The following ADGRF5 variants were observed in gnomAD, a reference collection of about 807,000 sequenced individuals.
ADGRF5 encodes adhesion G protein-coupled receptor F5.
In ADGRF5, 75 loss-of-function variants were observed where a neutral mutation model predicts 132.3. The ratio of observed to expected loss-of-function variants is 0.57; its 90% CI spans 0.47 to 0.69. ADGRF5 has a LOEUF of 0.69. Among genes scored for constraint, ADGRF5 ranks in the 30% least tolerant of loss-of-function variants. The probability of loss-of-function intolerance (pLI) is 0.00; values close to 1 mark genes in which losing one functional copy is unlikely to be tolerated. For missense variants in ADGRF5, 1,516 were observed against 1,630.6 expected (o/e 0.93, Z 1.21); for synonymous variants, 629 against 597.6 (o/e 1.05, Z -0.77).
At chr6:46,874,492 A>G (rs965291300) in intron 10 of ADGRF5, among the ~76,000 whole-genome samples, 8 of 152,242 alleles carry the variant, frequency 5.3e-5, no homozygotes, top group Non-Finnish European at 1.0e-4. Flanking sequence ...AAAGAAGTCA[A>G]TATGTTATGT....
intron 1 of ADGRF5, among the ~76,000 whole-genome samples, chr6:46,909,269 A>G (rs1347440015): frequency 6.6e-6 from 1 of 152,212 alleles, no homozygotes; most frequent in Admixed American, 6.5e-5. Flanking sequence ...ACGGCAGACA[A>G]AGACTGAGAG....
chr6:46,876,551 G>A (rs1771677994), intron 10 of ADGRF5, among the ~76,000 whole-genome samples: 1 of 152,178 alleles, frequency 6.6e-6, no homozygotes, highest in Admixed American at 6.5e-5. Flanking sequence ...CAGGTGAACT[G>A]TCCTTTGGAA....
intron 1 of ADGRF5, among the ~76,000 whole-genome samples, chr6:46,910,219 T>C (rs1365539598): frequency 6.6e-6 from 1 of 152,106 alleles, no homozygotes; most frequent in East Asian, 1.9e-4. Context: ...TAGCCAATGA[T>C]ATCCTCCGAC....
chr6:46,875,889 C>G (rs1391096136), intron 10 of ADGRF5, among the ~76,000 whole-genome samples: 2 of 152,246 alleles, frequency 1.3e-5, no homozygotes, highest in African/African-American at 4.8e-5. Context: ...TTAAAGAATA[C>G]TCCTTCACTT....
chr6:46,950,514 T>C (rs1184362392), intron 1 of ADGRF5, among the ~76,000 whole-genome samples: 3 of 152,174 alleles, frequency 2.0e-5, no homozygotes, highest in African/African-American at 7.2e-5. Context: ...TTTTGTTTTT[T>C]GTTTGTTTTG....
At chr6:46,926,547 C>T (rs1047763438), upstream of ADGRF5, among the ~76,000 whole-genome samples, 5 of 152,076 alleles carry the variant, frequency 3.3e-5, no homozygotes, top group Non-Finnish European at 1.5e-5. Flanking sequence ...CTTTCTTGAC[C>T]CTTATTGATC....
intron 1 of ADGRF5, among the ~76,000 whole-genome samples, chr6:46,933,758 G>T (rs531388280): frequency 1.4e-4 from 21 of 152,246 alleles, no homozygotes; most frequent in African/African-American, 4.8e-4. Context: ...CAATGAGGGG[G>T]TCCACATTTC....
rs1380859615 is a variant in ADGRF5, at chr6:46,938,860, T to C, written c.-25+15874A>G. ...CCCCAAAACTAGCCTTATTTTTCAT[T>C]CTTTCTACTTTTCTGATTTTTTTTT... On this transcript the variant is annotated intron_variant, in intron 1 of 20. Coordinates refer to the ADGRF5 transcript ENST00000265417. Among the ~76,000 whole-genome samples, 6 of 140,968 alleles carry C rather than the reference T, an allele frequency of 4.3e-5. No individual in the cohort carries two copies. The East Asian group carries it at 1.3e-3, about 31-fold the overall frequency. The allele number at this position is 140,968 out of a possible 152,430, so 92.5% of individuals were successfully genotyped here.
At chr6:46,883,024 G>A (rs774295044) in intron 6 of ADGRF5, among the ~76,000 whole-genome samples, 17 of 152,220 alleles carry the variant, frequency 1.1e-4, no homozygotes, top group Admixed American at 2.6e-4. Flanking sequence ...TTTAGGTTTA[G>A]ATGGATCAAT....
intron 1 of ADGRF5, among the ~76,000 whole-genome samples, chr6:46,917,809 G>C (rs1197509380): frequency 2.6e-5 from 4 of 152,132 alleles, no homozygotes; most frequent in Admixed American, 2.6e-4. Flanking sequence ...ATGAGGAATT[G>C]ATGGGCACAG....
intron 10 of ADGRF5, among the ~76,000 whole-genome samples, chr6:46,874,338 C>A (rs1396278793): frequency 6.6e-6 from 1 of 152,182 alleles, no homozygotes; most frequent in Non-Finnish European, 1.5e-5. Context: ...TTCTCATTCC[C>A]TCTTCCTCCT....
intron 8 of ADGRF5, 118 bp downstream of exon 8, chr6:46,881,337 C>T (rs1404241419): frequency 1.2e-6 from 1 of 805,970 alleles, no homozygotes; most frequent in Non-Finnish European, 2.1e-6. Context: ...TGGTACAGAA[C>T]CCCCTGTGCC....
intron 4 of ADGRF5, among the ~76,000 whole-genome samples, chr6:46,884,896 A>C (rs1772889566): frequency 6.6e-6 from 1 of 152,140 alleles, no homozygotes; most frequent in Non-Finnish European, 1.5e-5. Context: ...CAACCACATG[A>C]GTTAGCTTAG....
At chr6:46,942,892 A>G (rs1023004584) in intron 1 of ADGRF5, among the ~76,000 whole-genome samples, 1 of 152,186 alleles carries the variant, frequency 6.6e-6, no homozygotes, top group Admixed American at 6.5e-5. Flanking sequence ...GCACTCATGC[A>G]TGCGTGTGGA....
intron 1 of ADGRF5, among the ~76,000 whole-genome samples, chr6:46,908,398 G>T (rs1208521212): frequency 6.6e-6 from 1 of 151,984 alleles, no homozygotes; most frequent in East Asian, 1.9e-4. Context: ...GTCTTTTCAG[G>T]CCCCAACCTC....
chr6:46,894,146 T>A (rs1581889611), intron 3 of ADGRF5, among the ~76,000 whole-genome samples: 1 of 152,310 alleles, frequency 6.6e-6, no homozygotes, highest in East Asian at 1.9e-4. Context: ...ATGGTTTGGC[T>A]CTCCTGTTTC....
intron 3 of ADGRF5, among the ~76,000 whole-genome samples, chr6:46,891,297 G>C (rs1306646328): frequency 6.6e-6 from 1 of 152,154 alleles, no homozygotes; most frequent in African/African-American, 2.4e-5. Flanking sequence ...CTGGAAGAAT[G>C]GTTAATCTTA....
rs139564166 is a variant in ADGRF5, at chr6:46,883,237, T to A, written c.612+322A>T. 3.8e-3 allele frequency among the ~76,000 whole-genome samples: 580 copies of A among 152,312 alleles called. 6 individuals carry two copies. The highest frequency in any genetic ancestry group is 0.024 in the South Asian group (115 of 4,824). On this transcript the variant is annotated intron_variant, in intron 6 of 20. Transcript: ENST00000283296. ...GGGTTTCATTCATGTGATATATGAA[T>A]AATAGAAATGCACCAACTCATGCTT...
upstream of ADGRF5, among the ~76,000 whole-genome samples, chr6:46,926,771 C>T (rs375147696): frequency 1.3e-5 from 2 of 152,262 alleles, no homozygotes; most frequent in South Asian, 2.1e-4. Flanking sequence ...CAGTCCCCTC[C>T]AACCCAGTCC....
Sources: gnomAD v4.1 joint callset for allele counts (sites outside exome capture counted in the v4.1 genomes callset) on GRCh38, gnomAD v4.1.1 for gene constraint, MANE v1.5 for transcripts, NCBI Gene and HGNC (gene_info 2026-07-23, HGNC 2026-07-21) for gene names.